SLC44A1: variants seen among roughly 807,000 people sequenced by gnomAD.
SLC44A1 encodes the protein choline transporter-like protein 1.
A neutral mutation model predicts 79.3 loss-of-function variants in SLC44A1; 26 were observed. The observed-to-expected ratio is 0.33, with a 90% CI of 0.24 to 0.46. The LOEUF is 0.46. Among genes scored for constraint, SLC44A1 ranks in the 20% least tolerant of loss-of-function variants. SLC44A1 has a pLI of 1.00. For missense variants in SLC44A1, 688 were observed against 798.1 expected (o/e 0.86, Z 1.66); for synonymous variants, 263 against 286.2 (o/e 0.92, Z 0.82).
intron 2 of SLC44A1, among the ~76,000 whole-genome samples, chr9:105,305,245 C>T (rs189809445): frequency 1.3e-5 from 2 of 152,058 alleles, no homozygotes; most frequent in East Asian, 1.9e-4. Context: ...GCTGGAATTA[C>T]AGGGATGAAC....
At chr9:105,360,008 T>C (rs1443709369) in intron 7 of SLC44A1, among the ~76,000 whole-genome samples, 1 of 152,196 alleles carries the variant, frequency 6.6e-6, no homozygotes, top group Non-Finnish European at 1.5e-5. Flanking sequence ...ATGTCTCTAC[T>C]CTGAATCATC....
At chr9:105,345,223 G>A (rs1331579946) in intron 4 of SLC44A1, among the ~76,000 whole-genome samples, 2 of 152,176 alleles carry the variant, frequency 1.3e-5, no homozygotes, top group Non-Finnish European at 2.9e-5. Context: ...AGGAGGTCAT[G>A]AAGGTCTGAG....
At chr9:105,268,397 G>T (rs907654158) in intron 1 of SLC44A1, among the ~76,000 whole-genome samples, 1 of 152,086 alleles carries the variant, frequency 6.6e-6, no homozygotes, top group Non-Finnish European at 1.5e-5. Flanking sequence ...TATTATTTCA[G>T]TGGAGTTTTG....
intron 1 of SLC44A1, among the ~76,000 whole-genome samples, chr9:105,267,126 T>C (rs1211880444): frequency 6.6e-6 from 1 of 152,220 alleles, no homozygotes; most frequent in Non-Finnish European, 1.5e-5. Context: ...TATTTTTATG[T>C]CACATATGTA....
At chr9:105,363,920 A>G (rs777769980) in intron 9 of SLC44A1, among the ~76,000 whole-genome samples, 32 of 152,218 alleles carry the variant, frequency 2.1e-4, no homozygotes, top group African/African-American at 5.5e-4. Flanking sequence ...AGTGAATGCA[A>G]TGTCACTCAG....
intron 3 of SLC44A1, among the ~76,000 whole-genome samples, chr9:105,324,093 C>T (rs915705588): frequency 1.3e-5 from 2 of 152,210 alleles, no homozygotes; most frequent in East Asian, 1.9e-4. Flanking sequence ...GCTCCACCTC[C>T]CGGATTCACG....
intron 13 of SLC44A1, among the ~76,000 whole-genome samples, chr9:105,379,756 C>T (rs183566467): frequency 6.6e-6 from 1 of 152,110 alleles, no homozygotes; most frequent in East Asian, 1.9e-4. Context: ...GTTTATAATC[C>T]AGTTTAAATA....
rs147113476 is a variant in SLC44A1, at chr9:105,260,329, T to C, written c.36+15425T>C. On this transcript the variant is annotated intron_variant, in intron 1 of 15. Transcript: ENST00000374720. The stretch of plus-strand genomic sequence containing the variant: ...GCCTTTATTGGACTTATCTGTCCTT[T>C]AAAATTTTTTTCACTATATCTTGAA... Among the ~76,000 whole-genome samples the C allele has an allele frequency of 5.3e-3, 802 of 152,362 alleles. 9 individuals are homozygous for C. Among genetic ancestry groups the C allele is most frequent in the African/African-American group, 0.018 (766 of 41,586 alleles).
chr9:105,325,325 T>C (rs1826539659), intron 3 of SLC44A1, among the ~76,000 whole-genome samples: 1 of 152,348 alleles, frequency 6.6e-6, no homozygotes, highest in South Asian at 2.1e-4. Flanking sequence ...AGATTAGTAG[T>C]TGCCTAGGGC....
rs568438809 is a variant in SLC44A1 at position 105,284,085 on chromosome 9, G to C, written c.37-15135G>C. Among the ~76,000 whole-genome samples the C allele has an allele frequency of 3.5e-3, 531 of 152,274 alleles. 2 individuals are homozygous for C. Among genetic ancestry groups the C allele is most frequent in the Non-Finnish European group, 6.4e-3 (432 of 68,022 alleles). On this transcript the variant is annotated intron_variant, in intron 1 of 15. Coordinates refer to ENST00000374720, the MANE Select transcript of SLC44A1 (RefSeq NM_080546.5). ...ACCCTTTCCCCAACACAGTTTGGAAGGACAGTATCAAGGTTTATCTGTCAC... is the reference window on the plus strand; with the variant it reads ...ACCCTTTCCCCAACACAGTTTGGAACGACAGTATCAAGGTTTATCTGTCAC...
intron 3 of SLC44A1, among the ~76,000 whole-genome samples, chr9:105,317,274 T>G (rs1246710338): frequency 1.3e-5 from 2 of 152,186 alleles, no homozygotes; most frequent in Non-Finnish European, 2.9e-5. Flanking sequence ...TTGCAGGTTG[T>G]ACATATGAGT....
chr9:105,339,123 T>C (rs1465477447), intron 4 of SLC44A1, among the ~76,000 whole-genome samples: 1 of 152,178 alleles, frequency 6.6e-6, no homozygotes, highest in Non-Finnish European at 1.5e-5. Context: ...TTAAAAACTG[T>C]ACATCAAAGG....
chr9:105,420,530 G>GTTGAGCTGATT (rs111473609), intron 15 of SLC44A1, among the ~76,000 whole-genome samples: 6,325 of 152,014 alleles, frequency 0.042, 433 homozygotes, highest in African/African-American at 0.14. Context: ...GTGCCAGAAA[G>GTTGAGCTGATT]TTGAGCTGAT....
chr9:105,333,817 A>C (rs944300156), intron 3 of SLC44A1, among the ~76,000 whole-genome samples: 5 of 152,164 alleles, frequency 3.3e-5, no homozygotes, highest in Admixed American at 3.3e-4. Context: ...CTCAAAAAAA[A>C]AAAAAGAAGT....
At chr9:105,291,874 T>A (rs1307868120) in intron 1 of SLC44A1, among the ~76,000 whole-genome samples, 1 of 152,208 alleles carries the variant, frequency 6.6e-6, no homozygotes, top group Non-Finnish European at 1.5e-5. Flanking sequence ...TTGATAACCT[T>A]GTCAGAAGGA....
At chr9:105,306,879 A>G (rs1298993415) in intron 2 of SLC44A1, among the ~76,000 whole-genome samples, 1 of 152,218 alleles carries the variant, frequency 6.6e-6, no homozygotes, top group Non-Finnish European at 1.5e-5. Context: ...CCTTTTAATT[A>G]TCTAACAACT....
chr9:105,272,316 A>G (rs543982838), intron 1 of SLC44A1, among the ~76,000 whole-genome samples: 13 of 152,268 alleles, frequency 8.5e-5, no homozygotes, highest in South Asian at 6.2e-4. Flanking sequence ...AATCACCACA[A>G]CAGGCAGTCT....
intron 1 of SLC44A1, among the ~76,000 whole-genome samples, chr9:105,259,236 T>G (rs1057385464): frequency 6.6e-6 from 1 of 152,246 alleles, no homozygotes; most frequent in Non-Finnish European, 1.5e-5. Context: ...CTTGTTACTG[T>G]AATTGTGTTC....
intron 1 of SLC44A1, among the ~76,000 whole-genome samples, chr9:105,279,054 C>T (rs142908067): frequency 1.3e-4 from 19 of 151,954 alleles, no homozygotes; most frequent in South Asian, 8.3e-4. Context: ...CCCTTCAACC[C>T]GGGAACCAAA....
Sources: gnomAD v4.1 joint callset for allele counts (sites outside exome capture counted in the v4.1 genomes callset) on GRCh38, gnomAD v4.1.1 for gene constraint, MANE v1.5 for transcripts, NCBI Gene and HGNC (gene_info 2026-07-23, HGNC 2026-07-21) for gene names.